The following THSD7B variants were observed in gnomAD, a reference collection of about 807,000 sequenced individuals.
The protein encoded by THSD7B is thrombospondin type-1 domain-containing protein 7B.
THSD7B carries 138 observed loss-of-function variants against 213.6 expected under a neutral mutation model. The observed-to-expected ratio is 0.65, with a 90% CI of 0.56 to 0.74. The LOEUF is 0.74. Among genes scored for constraint, THSD7B ranks in the 30% least tolerant of loss-of-function variants. The probability of loss-of-function intolerance (pLI) is 0.00; values close to 1 mark genes in which losing one functional copy is unlikely to be tolerated. For missense variants in THSD7B, 1,931 were observed against 1,991.5 expected (o/e 0.97, Z 0.58); for synonymous variants, 742 against 687.0 (o/e 1.08, Z -1.25).
intron 3 of THSD7B, among the ~76,000 whole-genome samples, chr2:137,058,634 C>T (rs909984347): frequency 6.6e-6 from 1 of 152,140 alleles, no homozygotes; most frequent in Admixed American, 6.5e-5. Context: ...ACATTGAGTG[C>T]ATAACACAGT....
intron 15 of THSD7B, among the ~76,000 whole-genome samples, chr2:137,517,165 G>T (rs1171091382): frequency 6.6e-6 from 1 of 152,202 alleles, no homozygotes; most frequent in Non-Finnish European, 1.5e-5. Flanking sequence ...CATTCTGCTG[G>T]CAAGGCCAGC....
At chr2:137,503,966 G>T (rs1679774161) in intron 15 of THSD7B, among the ~76,000 whole-genome samples, 1 of 151,206 alleles carries the variant, frequency 6.6e-6, no homozygotes, top group African/African-American at 2.4e-5. Context: ...GACAGAGGTT[G>T]CAGTGAGCCA....
chr2:137,676,571 T>C lies in THSD7B; in HGVS notation c.4787T>C (p.Leu1596Pro). 1 of 1,596,046 alleles carries C rather than the reference T, an allele frequency of 6.3e-7. No homozygotes were observed. The highest frequency in any genetic ancestry group is 1.1e-5 in the South Asian group (1 of 87,426). Residue 1596 changes from leucine to proline, a missense_variant, in exon 28 of 28, where the codon CTG (leucine) becomes CCG (proline). Coordinates refer to ENST00000409968, the MANE Select transcript of THSD7B (RefSeq NM_001316349.2). ...HQSTPPQQKPLTLAYDGDLDM is the reference protein window; with the variant it reads ...HQSTPPQQKPPTLAYDGDLDM ...AGCACACCTCCCCAACAGAAGCCTC[T>C]GACCTTAGCCTACGATGGAGACTTA...
intron 3 of THSD7B, among the ~76,000 whole-genome samples, chr2:137,077,094 G>T (rs1234612839): frequency 6.7e-6 from 1 of 150,338 alleles, no homozygotes; most frequent in African/African-American, 2.5e-5. Context: ...TTTTGTCCTT[G>T]AGATAGTTTG....
intron 7 of THSD7B, among the ~76,000 whole-genome samples, chr2:137,196,374 CTGTTTTTT>C (rs1381312323): frequency 2.9e-5 from 3 of 104,580 alleles, no homozygotes; most frequent in African/African-American, 3.7e-5. Flanking sequence ...GGAAAACCTG[CTGTTTTTT>C]TTTTTTTTTT....
intron 3 of THSD7B, among the ~76,000 whole-genome samples, chr2:137,063,726 T>G (rs2104883974): frequency 6.6e-6 from 1 of 152,162 alleles, no homozygotes; most frequent in African/African-American, 2.4e-5. Context: ...GCTCCATGAG[T>G]TCAATTGTTT....
chr2:136,830,377 T>C (rs918916712), intron 1 of THSD7B, among the ~76,000 whole-genome samples: 1 of 150,738 alleles, frequency 6.6e-6, no homozygotes, highest in Non-Finnish European at 1.5e-5. Context: ...AATGAGAAAA[T>C]TAACCAAACA....
intron 16 of THSD7B, among the ~76,000 whole-genome samples, chr2:137,568,702 C>T (rs184526485): frequency 6.6e-6 from 1 of 152,238 alleles, no homozygotes; most frequent in East Asian, 1.9e-4. Context: ...CATCAGACTT[C>T]GTGAAAATTC....
chr2:137,307,293 C>T (rs925540380), intron 12 of THSD7B, among the ~76,000 whole-genome samples: 3 of 152,044 alleles, frequency 2.0e-5, no homozygotes, highest in African/African-American at 7.2e-5. Context: ...TGAGAGGCTC[C>T]TTTCCATCCC....
chr2:136,798,017 G>A (rs1682104308), intron 1 of THSD7B, among the ~76,000 whole-genome samples: 1 of 151,822 alleles, frequency 6.6e-6, no homozygotes, highest in African/African-American at 2.4e-5. Flanking sequence ...ATGCATTCCA[G>A]TAGACTTATT....
At chr2:136,884,144 T>TAATTAA (rs1683674233) in intron 2 of THSD7B, among the ~76,000 whole-genome samples, 1 of 151,774 alleles carries the variant, frequency 6.6e-6, no homozygotes, top group Non-Finnish European at 1.5e-5. Context: ...GATACACATA[T>TAATTAA]AGTTATTAAT....
At chr2:136,862,169 A>G (rs1683266433) in intron 1 of THSD7B, among the ~76,000 whole-genome samples, 1 of 152,194 alleles carries the variant, frequency 6.6e-6, no homozygotes, top group Non-Finnish European at 1.5e-5. Context: ...GGGACTGTAC[A>G]AAGTGTGGAT....
intron 17 of THSD7B, among the ~76,000 whole-genome samples, chr2:137,584,506 T>C (rs949234764): frequency 2.0e-5 from 3 of 152,216 alleles, no homozygotes; most frequent in Non-Finnish European, 2.9e-5. Context: ...TTGAGATATG[T>C]CCCATCAATA....
Position 137,404,133 on chromosome 2 carries a change from G to A in THSD7B, c.2501-1480G>A, listed in dbSNP as rs974969748. On this transcript the variant is annotated intron_variant, in intron 12 of 27. Transcript: ENST00000409968. ...CAGTAAAAATTTAAGCAAAATTTTA[G>A]GAATGTGTTACCTCACGATTATTAT... Among the ~76,000 whole-genome samples, 3 of 151,892 alleles carry A rather than the reference G, an allele frequency of 2.0e-5. 1 individual carries two copies. Among genetic ancestry groups the A allele is most frequent in the Admixed American group, 1.3e-4 (2 of 15,236 alleles).
intron 7 of THSD7B, among the ~76,000 whole-genome samples, chr2:137,191,407 T>C (rs1680657296): frequency 6.6e-6 from 1 of 152,074 alleles, no homozygotes; most frequent in African/African-American, 2.4e-5. Context: ...TCCTCAAGGC[T>C]CTGATAGGAA....
At chr2:136,957,521 G>A (rs965541961) in intron 2 of THSD7B, among the ~76,000 whole-genome samples, 2 of 150,758 alleles carry the variant, frequency 1.3e-5, no homozygotes, top group East Asian at 1.9e-4. Flanking sequence ...AAAGAGTCCC[G>A]ACAAATTTAG....
intron 15 of THSD7B, among the ~76,000 whole-genome samples, chr2:137,452,251 T>C (rs1446738261): frequency 2.6e-5 from 4 of 152,042 alleles, no homozygotes; most frequent in Non-Finnish European, 4.4e-5. Flanking sequence ...AAATAAGATA[T>C]GAACCTTTTA....
chr2:136,873,742 A>G (rs564009945), intron 1 of THSD7B, among the ~76,000 whole-genome samples: 4 of 152,296 alleles, frequency 2.6e-5, no homozygotes, highest in African/African-American at 9.6e-5. Context: ...GTCAGTGTAC[A>G]CTGTCAGGCA....
chr2:136,795,547 C>T (rs1682045553), intron 1 of THSD7B, among the ~76,000 whole-genome samples: 1 of 151,930 alleles, frequency 6.6e-6, no homozygotes, highest in South Asian at 2.1e-4. Context: ...TTTGTGAGGG[C>T]CGTTATCCTG....
Sources: allele counts gnomAD v4.1 joint callset (sites outside exome capture counted in the v4.1 genomes callset), GRCh38; gene constraint gnomAD v4.1.1; transcripts MANE v1.5; gene names NCBI Gene and HGNC (gene_info 2026-07-23, HGNC 2026-07-21).